ZNF597: variants seen among roughly 807,000 people sequenced by gnomAD.
The protein encoded by ZNF597 is zinc finger protein 597.
Under a neutral mutation model 7.3 loss-of-function variants are expected in ZNF597, and 5 were observed. The observed-to-expected ratio is 0.68, with a 90% confidence interval of 0.36 to 1.44. ZNF597 has a LOEUF of 1.44. ZNF597 is among the 40% of genes most tolerant of loss of function. The pLI, the probability that ZNF597 is intolerant of heterozygous loss-of-function variation, is 0.04. For synonymous variants in ZNF597, 209 were observed against 185.4 expected (o/e 1.13, Z -1.04); for missense variants, 585 against 517.9 (o/e 1.13, Z -1.26).
chr16:3,437,142 C>T lies in ZNF597; in HGVS notation c.557G>A (p.Cys186Tyr), dbSNP rs2034313123. 1 of 1,614,160 alleles carries T rather than the reference C, an allele frequency of 6.2e-7. No homozygotes were observed. Among genetic ancestry groups the T allele is most frequent in the Non-Finnish European group, 8.5e-7 (1 of 1,180,028 alleles). ...ATTGAAGATCTTTCCACAGTCACCA[C>T]ATTTATGTTTTTTCTCTCCTGAATG... ...KIHSGEKKHK[C>Y]GDCGKIFNHR... Residue 186 changes from cysteine to tyrosine, a missense_variant, in exon 4 of 4, where the codon TGT becomes TAT. Coordinates refer to ENST00000301744, the MANE Select transcript of ZNF597 (RefSeq NM_152457.3).
chr16:3,443,307 AC>A, intron 1 of ZNF597, 52 bp downstream of exon 1: 1 of 686,644 alleles, frequency 1.5e-6, no homozygotes, highest in South Asian at 2.1e-5. Flanking sequence ...CCCCTTAAAA[AC>A]CTACGCCGAC....
At chr16:3,438,536 C>A (rs898524377) in intron 3 of ZNF597, among the ~76,000 whole-genome samples, 4 of 151,546 alleles carry the variant, frequency 2.6e-5, no homozygotes, top group African/African-American at 7.3e-5. Context: ...GCACTCCAGC[C>A]TGGGCGACAG....
At chr16:3,443,287 CT>C (rs1410523769) in intron 1 of ZNF597, 72 bp downstream of exon 1, 19 of 874,180 alleles carry the variant, frequency 2.2e-5, no homozygotes, top group Non-Finnish European at 2.6e-5. Context: ...CCTCGATTCC[CT>C]CCGAACCCCC....
intron 2 of ZNF597, among the ~76,000 whole-genome samples, chr16:3,442,602 G>C (rs552179619): frequency 6.6e-6 from 1 of 151,930 alleles, no homozygotes; most frequent in Admixed American, 6.6e-5. Flanking sequence ...ATGAACCCGG[G>C]AGGCGGAGCT....
chr16:3,440,948 C>G lies in ZNF597; in HGVS notation c.34-15G>C, dbSNP rs369017760. 1 of 1,611,198 alleles carries G rather than the reference C, an allele frequency of 6.2e-7. No homozygotes were observed. The highest frequency in any genetic ancestry group is 8.5e-7 in the Non-Finnish European group (1 of 1,178,804). On this transcript the variant is annotated splice_polypyrimidine_tract_variant and intron_variant, in intron 2 of 3. Transcript: ENST00000301744. ...AGTATTGGTCCCTGAAACACAAGAG[C>G]CTGTGTCAGCACAAGAGGGTGGAGG...
chr16:3,438,664 A>C (rs1361933405), intron 3 of ZNF597, among the ~76,000 whole-genome samples: 1 of 152,216 alleles, frequency 6.6e-6, no homozygotes, highest in East Asian at 1.9e-4. Context: ...TATCAGAAAT[A>C]GTTTTATTAT....
chr16:3,443,300 CT>C lies in ZNF597; in HGVS notation c.-54+59del, dbSNP rs548534154. ...TCCCTCGATTCCCTCCGAACCCCCC[CT>C]TAAAAACCTACGCCGACTGCTCCTC... On this transcript the variant is annotated intron_variant, in intron 1 of 3. Transcript: ENST00000301744. 560 of 762,076 alleles carry C rather than the reference CT, an allele frequency of 7.3e-4. No individual in the cohort carries two copies. The African/African-American group carries it at 8.6e-3, about 12-fold the overall frequency. The allele number at this position is 762,076 out of a possible 1,614,324, so 47.2% of individuals were successfully genotyped here.
In ZNF597 at chr16:3,443,366, G is replaced by A. The variant is rs1655301124; in HGVS notation, c.-60C>T. 13 of 573,074 alleles carry A rather than the reference G, an allele frequency of 2.3e-5. No homozygotes were observed. In the South Asian group the frequency reaches 3.0e-4, roughly 13 times the overall value. 35.5% of individuals were successfully genotyped at this position (573,074 alleles called of 1,614,324 possible). ...TCGAAAGGGGCCCACTTACCGCTCC[G>A]CGGTTAATAACAGGCCTCGCGCTCC... On this transcript the variant is annotated 5_prime_UTR_variant, in exon 1 of 4. Transcript: ENST00000301744.
Position 3,437,226 on chromosome 16 carries a change from C to T in ZNF597, c.473G>A (p.Cys158Tyr), listed in dbSNP as rs1305377090. ...GCTGAAGTTTTGGTCACACTCAGGA[C>T]ATTTGTACACATTTTTGGCTCCTTC... is the stretch of plus-strand genomic sequence containing the variant. ...PWEGAKNVYK[C>Y]PECDQNFSDH... is the part of the protein sequence containing the mutation. The change falls in exon 4 of 4, where the codon TGT becomes TAT. Residue 158 changes from cysteine (C) to tyrosine (Y), a missense_variant. By Grantham distance (194) the Cys-to-Tyr change is radical. Coordinates refer to ENST00000301744, the MANE Select transcript of ZNF597 (RefSeq NM_152457.3). 1 of 1,614,086 alleles carries T rather than the reference C, an allele frequency of 6.2e-7. No individual in the cohort carries two copies. The highest frequency in any genetic ancestry group is 1.3e-5 in the African/African-American group (1 of 74,914).
chr16:3,443,468 T>C lies in ZNF597; in HGVS notation c.-162A>G. The C allele has an allele frequency of 1.9e-6, 1 of 518,394 alleles. No individual in the cohort carries two copies. 32.1% of individuals were successfully genotyped at this position (518,394 alleles called of 1,614,324 possible). ...CACGGCCACTGCAAAACTCCCACGC[T>C]CTCATGCTCCTTTACGCAGGAGCTG... On this transcript the variant is annotated 5_prime_UTR_variant, in exon 1 of 4. Coordinates refer to ENST00000301744, the MANE Select transcript of ZNF597 (RefSeq NM_152457.3).
At chr16:3,439,036 G>C (rs1596267520) in intron 3 of ZNF597, among the ~76,000 whole-genome samples, 1 of 152,136 alleles carries the variant, frequency 6.6e-6, no homozygotes, top group Non-Finnish European at 1.5e-5. Context: ...ACAGCAAAGA[G>C]GCAGCTGTTC....
Position 3,437,546 on chromosome 16 carries a change from T to C in ZNF597, c.161-8A>G, listed in dbSNP as rs1158322582. On this transcript the variant is annotated splice_polypyrimidine_tract_variant and splice_region_variant and intron_variant, in intron 3 of 3. Coordinates refer to ENST00000301744, the MANE Select transcript of ZNF597 (RefSeq NM_152457.3). ...CAGGCTTGCCTTCCTCTCCTGTTGA[T>C]AAAAACAAAAGAAAGCAAAACATAG... 1.3e-6 allele frequency: 2 copies of C among 1,576,920 alleles called. No individual in the cohort carries two copies. Among genetic ancestry groups the C allele is most frequent in the Admixed American group, 4.0e-5 (2 of 50,520 alleles).
At position 3,443,497 on chromosome 16, in the gene ZNF597, G is replaced by A. The variant is rs934346779; in HGVS notation, c.-191C>T. On this transcript the variant is annotated 5_prime_UTR_variant, in exon 1 of 4. Transcript: ENST00000301744. ...ATGCTCCTTTACGCAGGAGCTGCGG[G>A]AAAAGCCGCCGGAAGCGACCCGCCC... The A allele has an allele frequency of 7.9e-6, 4 of 506,256 alleles. No individual in the cohort carries two copies. The highest frequency in any genetic ancestry group is 3.4e-5 in the East Asian group (1 of 29,604). 31.4% of individuals were successfully genotyped at this position (506,256 alleles called of 1,614,324 possible).
At chr16:3,442,491 C>G (rs1485776829) in intron 2 of ZNF597, among the ~76,000 whole-genome samples, 1 of 151,926 alleles carries the variant, frequency 6.6e-6, no homozygotes, top group African/African-American at 2.4e-5. Context: ...CTGGCTAACA[C>G]GGTGAAACCC....
intron 3 of ZNF597, among the ~76,000 whole-genome samples, chr16:3,440,369 C>T (rs2034353041): frequency 6.6e-6 from 1 of 152,246 alleles, no homozygotes; most frequent in African/African-American, 2.4e-5. Flanking sequence ...GGCTCAGTGG[C>T]TCATGCCTGT....
Position 3,437,431 on chromosome 16 carries a change from G to C in ZNF597, c.268C>G (p.Pro90Ala), listed in dbSNP as rs202056080. 1,507 of 1,614,074 alleles carry C rather than the reference G, an allele frequency of 9.3e-4. 2 individuals carry two copies. The highest frequency in any genetic ancestry group is 1.1e-3 in the Admixed American group (69 of 60,012). Residue 90 changes from proline to alanine, a missense_variant, in exon 4 of 4, where the codon CCA (proline) becomes GCA (alanine). By Grantham distance (27) the Pro-to-Ala change is conservative. Coordinates refer to ENST00000301744, the MANE Select transcript of ZNF597 (RefSeq NM_152457.3). The stretch of plus-strand genomic sequence containing the variant: ...ACTCCATCCTCAGAGGATTTTTCTG[G>C]GTAAGGGACAAGGGGTGCAGCAATG... ...YPIAAPLVPY[P>A]EKSSEDGVGN...
rs767052303 is a variant in ZNF597 at position 3,436,513 on chromosome 16, G to T, written c.1186C>A (p.Pro396Thr). The change falls in exon 4 of 4, where the codon CCT becomes ACT. Residue 396 changes from proline (P) to threonine (T), a missense_variant. By Grantham distance (38) the Pro-to-Thr change is conservative. Coordinates refer to ENST00000301744, the MANE Select transcript of ZNF597 (RefSeq NM_152457.3). Reference protein sequence around the residue: ...CHQKSHMLAEPFKCTVCGKTF... With the variant: ...CHQKSHMLAETFKCTVCGKTF... ...TTCCCACACACGGTACATTTAAAAG[G>T]TTCCGCTAGCATGTGGCTCTTCTGG... The T allele has an allele frequency of 6.2e-7, 1 of 1,614,176 alleles. No individual in the cohort carries two copies. The highest frequency in any genetic ancestry group is 2.2e-5 in the East Asian group (1 of 44,890).
rs115882633 is a variant in ZNF597, at chr16:3,440,270, G to A, written c.160+537C>T. Among the ~76,000 whole-genome samples the A allele has an allele frequency of 9.3e-3, 1,414 of 152,346 alleles. 17 individuals carry two copies. The highest frequency in any genetic ancestry group is 0.032 in the African/African-American group (1,310 of 41,578). On this transcript the variant is annotated intron_variant, in intron 3 of 3. Coordinates refer to ENST00000301744, the MANE Select transcript of ZNF597 (RefSeq NM_152457.3). ...ATTGTAAACTGCAACAAATGTTTGT[G>A]AAAGATTACCAAATACTGCCATCTC...
rs77055452 is a variant in ZNF597, at chr16:3,437,104, G to C, written c.595C>G (p.Leu199Val). The stretch of plus-strand genomic sequence containing the variant: ...GTATGGATTCTCCTGTGTGTCCTCA[G>C]GTTGGCTCTATGATTGAAGATCTTT... ...CGKIFNHRAN[L>V]RTHRRIHTGE... The change falls in exon 4 of 4, where the codon CTG becomes GTG. Residue 199 changes from leucine (L) to valine (V), a missense_variant. Transcript: ENST00000301744. 2.9e-3 allele frequency: 4,644 copies of C among 1,614,066 alleles called. 14 individuals carry two copies. The highest frequency in any genetic ancestry group is 3.4e-3 in the Non-Finnish European group (4,035 of 1,180,008).
Sources: gnomAD v4.1 joint callset for allele counts (sites outside exome capture counted in the v4.1 genomes callset) on GRCh38, gnomAD v4.1.1 for gene constraint, MANE v1.5 for transcripts, NCBI Gene and HGNC (gene_info 2026-07-23, HGNC 2026-07-21) for gene names.